The following FMN2 variants were observed in gnomAD, a reference collection of about 807,000 sequenced individuals.
FMN2 encodes the protein formin 2, also known as formin-2.
FMN2 carries 51 observed loss-of-function variants against 142.3 expected under a neutral mutation model. The observed-to-expected ratio is 0.36, with a 90% CI of 0.29 to 0.45. The LOEUF is 0.45. FMN2 is among the 20% of genes least tolerant of loss of function. The probability of loss-of-function intolerance (pLI) is 1.00; values close to 1 mark genes in which losing one functional copy is unlikely to be tolerated. For missense variants in FMN2, 1,936 were observed against 2,122.8 expected, an observed-to-expected ratio of 0.91 and a Z score of 1.73; for synonymous variants, 882 against 869.8, an observed-to-expected ratio of 1.01 and a Z score of -0.25.
intron 4 of FMN2, among the ~76,000 whole-genome samples, chr1:240,205,200 C>A (rs1246550114): frequency 6.6e-6 from 1 of 152,046 alleles, no homozygotes; most frequent in Non-Finnish European, 1.5e-5. Context: ...GCAGGAAACC[C>A]TGGAACACTG....
intron 2 of FMN2, among the ~76,000 whole-genome samples, chr1:240,173,715 T>C (rs1368607371): frequency 1.3e-5 from 2 of 152,172 alleles, no homozygotes; most frequent in South Asian, 4.1e-4. Flanking sequence ...TTGCTTATTT[T>C]CTGCTAGTGG....
At chr1:240,382,676 A>T (rs139838031) in intron 14 of FMN2, among the ~76,000 whole-genome samples, 179 of 152,196 alleles carry the variant, frequency 1.2e-3, no homozygotes, top group African/African-American at 3.9e-3. Context: ...GAAAAAAAAA[A>T]TGACCATACT....
Position 240,473,978 on chromosome 1 carries a change from T to C in FMN2, c.5143-150T>C, listed in dbSNP as rs149757996. 467 of 608,340 alleles carry C rather than the reference T, an allele frequency of 7.7e-4. 3 individuals are homozygous for C. The African/African-American group carries it at 8.4e-3, about 11-fold the overall frequency. The allele number at this position is 608,340 out of a possible 1,614,324, so 37.7% of individuals were successfully genotyped here. A position where few individuals can be genotyped will look rare whatever the true frequency, so the allele number is the denominator to read the frequency against. On this transcript the variant is annotated intron_variant, in intron 17 of 17. Transcript: ENST00000319653. The surrounding 1 kb of genome is among the most constrained non-coding windows in gnomAD (Gnocchi z 4.3). ...TCAAAGATAACACAGATCCCACTTA[T>C]ACTTTTTTCCTTTATGGACTGGTAG...
chr1:240,139,992 A>G (rs1663111786), intron 2 of FMN2, among the ~76,000 whole-genome samples: 1 of 152,190 alleles, frequency 6.6e-6, no homozygotes, highest in East Asian at 1.9e-4. Context: ...TAGGATGCCT[A>G]CAGGTATTAT....
chr1:240,155,097 C>T (rs1663966986), intron 2 of FMN2, among the ~76,000 whole-genome samples: 1 of 151,920 alleles, frequency 6.6e-6, no homozygotes, highest in South Asian at 2.1e-4. Context: ...CATCATGTTG[C>T]CCAGGCTAGT....
chr1:240,258,844 T>G (rs1668534186), intron 7 of FMN2, among the ~76,000 whole-genome samples: 1 of 152,182 alleles, frequency 6.6e-6, no homozygotes, highest in African/African-American at 2.4e-5. Flanking sequence ...TAAAGCAGAT[T>G]GAATTATCCA....
At chr1:240,425,234 A>AGAGAGAGAGAGAGAGAGAGT (rs950851004) in intron 15 of FMN2, among the ~76,000 whole-genome samples, 1 of 150,028 alleles carries the variant, frequency 6.7e-6, no homozygotes, top group Non-Finnish European at 1.5e-5. Context: ...AGAGAGAGAG[A>AGAGAGAGAGAGAGAGAGAGT]GCCGTGAGAC....
chr1:240,321,101 G>A (rs575465714), intron 8 of FMN2, among the ~76,000 whole-genome samples: 2 of 151,480 alleles, frequency 1.3e-5, no homozygotes, highest in South Asian at 2.1e-4. Context: ...AAAGTATGTC[G>A]TTATTTTGAT....
rs531093580 is a variant in FMN2, at chr1:240,370,641, T to C, written c.4858+14733T>C. 5.9e-5 allele frequency among the ~76,000 whole-genome samples: 9 copies of C among 152,288 alleles called. No individual in the cohort carries two copies. The South Asian group carries it at 1.9e-3, about 32-fold the overall frequency. On this transcript the variant is annotated intron_variant, in intron 14 of 17. Coordinates refer to ENST00000319653, the MANE Select transcript of FMN2 (RefSeq NM_020066.5). ...TCCTTACCTCATCGTTGTTAAGTCC[T>C]GTGGCTTTGCTCACATGTGTCCACT... is the stretch of plus-strand genomic sequence containing the variant.
chr1:240,386,782 T>A (rs1411009502), intron 14 of FMN2, among the ~76,000 whole-genome samples: 1 of 152,206 alleles, frequency 6.6e-6, no homozygotes, highest in African/African-American at 2.4e-5. Context: ...ATCAGTTTCA[T>A]GTTCAGTGGC....
chr1:240,467,427 C>G (rs916610484), intron 16 of FMN2, among the ~76,000 whole-genome samples: 11 of 152,020 alleles, frequency 7.2e-5, no homozygotes, highest in Non-Finnish European at 1.2e-4. Flanking sequence ...ACCACCACGC[C>G]TGGCTAATTT....
At chr1:240,248,934 TTTAC>T (rs1158433799) in intron 6 of FMN2, among the ~76,000 whole-genome samples, 40 of 152,178 alleles carry the variant, frequency 2.6e-4, no homozygotes, top group African/African-American at 5.3e-4. Context: ...TATTTATTTA[TTTAC>T]TTACTTATTC....
At position 240,190,385 on chromosome 1, in the gene FMN2, C is replaced by T. The variant is rs548636761; in HGVS notation, c.1986+2123C>T. On this transcript the variant is annotated intron_variant, in intron 4 of 17. Transcript: ENST00000319653. Reference sequence around the variant, plus strand: ...AACTCTTTGTCATACATTTATTTTACGGGCTGATTCTTTTCTTAGATGATA... The same window carrying T: ...AACTCTTTGTCATACATTTATTTTATGGGCTGATTCTTTTCTTAGATGATA... Among the ~76,000 whole-genome samples the T allele has an allele frequency of 9.0e-4, 137 of 152,236 alleles. 1 individual carries two copies. The Middle Eastern group carries it at 0.01, about 11-fold the overall frequency.
At chr1:240,146,250 C>T (rs1410998922) in intron 2 of FMN2, among the ~76,000 whole-genome samples, 1 of 150,712 alleles carries the variant, frequency 6.6e-6, no homozygotes, top group Non-Finnish European at 1.5e-5. Flanking sequence ...AAAAATTAGC[C>T]AGACTTGGTG....
intron 7 of FMN2, among the ~76,000 whole-genome samples, chr1:240,282,958 T>G (rs1189938647): frequency 6.6e-6 from 1 of 152,184 alleles, no homozygotes; most frequent in Non-Finnish European, 1.5e-5. Context: ...GTGCAGATTT[T>G]CAGCTGGAGA....
At chr1:240,183,690 CAAAT>C (rs759703240) in intron 3 of FMN2, among the ~76,000 whole-genome samples, 2 of 151,804 alleles carry the variant, frequency 1.3e-5, no homozygotes, top group Non-Finnish European at 2.9e-5. Context: ...ATTAAATAAT[CAAAT>C]AAGCAGATCA....
chr1:240,133,612 G>GT lies in FMN2; in HGVS notation c.1782+10269dup, dbSNP rs547987347. On this transcript the variant is annotated intron_variant, in intron 2 of 17. Transcript: ENST00000319653. ...CCAAACTCTTTTGCCACGCTGAAGT[G>GT]TTATTGATTTTCCTAATTGTCCATG... 2.2e-3 allele frequency among the ~76,000 whole-genome samples: 337 copies of GT among 152,242 alleles called. 2 individuals carry two copies. Among genetic ancestry groups the GT allele is most frequent in the Middle Eastern group, 6.8e-3 (2 of 294 alleles).
chr1:240,191,106 T>G (rs1043685846), intron 4 of FMN2, among the ~76,000 whole-genome samples: 1 of 152,178 alleles, frequency 6.6e-6, no homozygotes, highest in African/African-American at 2.4e-5. Context: ...TAATGTGAGA[T>G]CCCCAGGACT....
chr1:240,312,753 A>G (rs1249657507), intron 8 of FMN2, among the ~76,000 whole-genome samples: 2 of 152,214 alleles, frequency 1.3e-5, no homozygotes, highest in African/African-American at 2.4e-5. Flanking sequence ...TACATTTGAA[A>G]TAAAGACTAT....
Sources: gnomAD v4.1 joint callset for allele counts (sites outside exome capture counted in the v4.1 genomes callset) on GRCh38, gnomAD v4.1.1 for gene constraint, Gnocchi (gnomAD v3.1) non-coding constraint, MANE v1.5 for transcripts, NCBI Gene and HGNC (gene_info 2026-07-23, HGNC 2026-07-21) for gene names.